TAFA5: variants seen among roughly 807,000 people sequenced by gnomAD.
TAFA5 encodes the protein chemokine-like protein TAFA-5.
Under a neutral mutation model 15.3 loss-of-function variants are expected in TAFA5, and 6 were observed. The observed-to-expected ratio is 0.39, with a 90% CI of 0.21 to 0.77. TAFA5 has a LOEUF of 0.77. Ranked by LOEUF, TAFA5 falls within the 30% of genes least tolerant of loss-of-function variation. The pLI, the probability that TAFA5 is intolerant of heterozygous loss-of-function variation, is 0.41. For missense variants in TAFA5, 161 were observed against 193.1 expected (o/e 0.83, Z 0.98); for synonymous variants, 103 against 80.7 (o/e 1.28, Z -1.48).
intron 1 of TAFA5, among the ~76,000 whole-genome samples, chr22:48,559,272 CG>C (rs1378527815): frequency 6.6e-6 from 1 of 152,204 alleles, no homozygotes; most frequent in Non-Finnish European, 1.5e-5. Context: ...GGACCCATGG[CG>C]GTCGGGGCTG....
chr22:48,746,097 G>A (rs756660693), intron 3 of TAFA5, among the ~76,000 whole-genome samples: 2 of 152,078 alleles, frequency 1.3e-5, no homozygotes, highest in Non-Finnish European at 2.9e-5. Context: ...AGGAAAGGGC[G>A]TGTGTCCCCA....
intron 2 of TAFA5, among the ~76,000 whole-genome samples, chr22:48,648,736 G>C (rs1926952593): frequency 6.6e-6 from 1 of 152,174 alleles, no homozygotes; most frequent in African/African-American, 2.4e-5. Context: ...GGCTGAGGCA[G>C]AGAATTGTTT....
In TAFA5 at chr22:48,686,021, G is replaced by A. The variant is rs1162766705; in HGVS notation, c.263-21696G>A. ...TACACGCAGGCCCCACGTGTGCCCC[G>A]GGAGTACATGCAGGCCCCACGTGTG... On this transcript the variant is annotated intron_variant, in intron 2 of 3. Transcript: ENST00000402357. Among the ~76,000 whole-genome samples the A allele has an allele frequency of 5.3e-5, 8 of 151,550 alleles. No homozygotes were observed. In the East Asian group the frequency reaches 5.8e-4, roughly 11 times the overall value.
intron 1 of TAFA5, among the ~76,000 whole-genome samples, chr22:48,623,787 C>T (rs1407882638): frequency 6.6e-6 from 1 of 152,246 alleles, no homozygotes; most frequent in Non-Finnish European, 1.5e-5. Flanking sequence ...GATACTTTAA[C>T]AGAACTTGGT....
chr22:48,667,604 G>A (rs899640098), intron 2 of TAFA5, among the ~76,000 whole-genome samples: 5 of 152,146 alleles, frequency 3.3e-5, no homozygotes, highest in Non-Finnish European at 5.9e-5. Context: ...TTGAGACTCC[G>A]CACTGCGTTA....
intron 1 of TAFA5, among the ~76,000 whole-genome samples, chr22:48,562,584 GA>G (rs1179856684): frequency 7.9e-5 from 12 of 151,866 alleles, no homozygotes; most frequent in Non-Finnish European, 1.2e-4. Context: ...TCTAGGGAGG[GA>G]GGGGGGGAAT....
intron 1 of TAFA5, among the ~76,000 whole-genome samples, chr22:48,573,264 A>G (rs755990092): frequency 6.6e-6 from 1 of 152,156 alleles, no homozygotes; most frequent in Non-Finnish European, 1.5e-5. Context: ...GGTTCCCACC[A>G]CAGTTTTTTC....
intron 3 of TAFA5, among the ~76,000 whole-genome samples, chr22:48,725,095 A>T (rs1384664322): frequency 6.6e-6 from 1 of 152,250 alleles, no homozygotes; most frequent in Non-Finnish European, 1.5e-5. Context: ...AGCCCTGAGG[A>T]GCCGCCTCCA....
At chr22:48,741,405 G>T (rs1385636622) in intron 3 of TAFA5, among the ~76,000 whole-genome samples, 1 of 152,204 alleles carries the variant, frequency 6.6e-6, no homozygotes, top group African/African-American at 2.4e-5. Flanking sequence ...AGGGGAAGGT[G>T]GCGGGACTCT....
chr22:48,693,166 AAT>A, intron 2 of TAFA5: 1 of 883,276 alleles, frequency 1.1e-6, no homozygotes, highest in African/African-American at 1.7e-5. Context: ...TCTGCTGGAA[AAT>A]ACGTCCTTGT....
At chr22:48,629,424 C>G (rs568572338) in intron 1 of TAFA5, among the ~76,000 whole-genome samples, 2 of 152,256 alleles carry the variant, frequency 1.3e-5, no homozygotes, top group African/African-American at 2.4e-5. Flanking sequence ...TCCAGGCCCC[C>G]CTCCGGATGC....
chr22:48,712,786 G>T (rs1178238221), intron 3 of TAFA5, among the ~76,000 whole-genome samples: 1 of 152,226 alleles, frequency 6.6e-6, no homozygotes, highest in Non-Finnish European at 1.5e-5. Flanking sequence ...TAGAGCTGCT[G>T]TCCGCCCTCC....
rs934929189 is a variant in TAFA5, at chr22:48,511,001, G to A, written c.112+21297G>A. On this transcript the variant is annotated intron_variant, in intron 1 of 3. Coordinates refer to ENST00000402357, the MANE Select transcript of TAFA5 (RefSeq NM_001082967.3). ...AGGGGCTGGGCACCCCATGTGCCTG[G>A]CCCACATGGATATTGCTGTCATCTG... 5.3e-5 allele frequency among the ~76,000 whole-genome samples: 8 copies of A among 152,360 alleles called. No individual in the cohort carries two copies. In the East Asian group the frequency reaches 1.5e-3, roughly 29 times the overall value.
At position 48,566,654 on chromosome 22, in the gene TAFA5, T is replaced by C. The variant is rs567408155; in HGVS notation, c.112+76950T>C. Among the ~76,000 whole-genome samples the C allele has an allele frequency of 5.8e-4, 88 of 152,314 alleles. No homozygotes were observed. The highest frequency in any genetic ancestry group is 2.1e-3 in the African/African-American group (87 of 41,568). On this transcript the variant is annotated intron_variant, in intron 1 of 3. Transcript: ENST00000402357. The surrounding 1 kb of genome is among the most constrained non-coding windows in gnomAD (Gnocchi z 4.5). ...GCAGGTTGCTGAGCTGCCTCAGCCT[T>C]AGTTTCCTCAGCAATACGTTGGGGG...
intron 1 of TAFA5, among the ~76,000 whole-genome samples, chr22:48,606,845 T>A (rs894806004): frequency 6.6e-6 from 1 of 152,216 alleles, no homozygotes; most frequent in African/African-American, 2.4e-5. Context: ...TGTCAGACGC[T>A]GGGGTTCTGA....
chr22:48,646,482 C>G, intron 1 of TAFA5, 115 bp from the exon 2 acceptor site: 1 of 1,330,392 alleles, frequency 7.5e-7, no homozygotes, highest in Non-Finnish European at 1.0e-6. Flanking sequence ...GAAGCGGTCT[C>G]CCTGCCCTGT....
intron 2 of TAFA5, among the ~76,000 whole-genome samples, chr22:48,647,811 G>A (rs1001382414): frequency 5.9e-5 from 9 of 152,138 alleles, no homozygotes; most frequent in African/African-American, 2.2e-4. Context: ...GCAGCAGCTT[G>A]ACCACAGCCC....
intron 2 of TAFA5, among the ~76,000 whole-genome samples, chr22:48,694,821 C>T (rs1176771512): frequency 8.2e-5 from 3 of 36,806 alleles, no homozygotes; most frequent in Admixed American, 2.6e-4. Flanking sequence ...CACCCGCCGC[C>T]GCTCCGACCT....
intron 1 of TAFA5, among the ~76,000 whole-genome samples, chr22:48,641,989 C>G (rs1473330504): frequency 6.6e-6 from 1 of 152,190 alleles, no homozygotes; most frequent in African/African-American, 2.4e-5. Context: ...CGTGGGTAGA[C>G]CAGCAGCACG....
Sources: gnomAD v4.1 joint callset for allele counts (sites outside exome capture counted in the v4.1 genomes callset) on GRCh38, gnomAD v4.1.1 for gene constraint, Gnocchi (gnomAD v3.1) non-coding constraint, MANE v1.5 for transcripts, NCBI Gene and HGNC (gene_info 2026-07-23, HGNC 2026-07-21) for gene names.